The following ADAMTS7 variants were observed in gnomAD, a reference collection of about 807,000 sequenced individuals.
ADAMTS7 encodes the protein ADAM metallopeptidase with thrombospondin type 1 motif 7, also known as A disintegrin and metalloproteinase with thrombospondin motifs 7.
A neutral mutation model predicts 172.6 loss-of-function variants in ADAMTS7; 89 were observed. The observed-to-expected ratio is 0.52, with a 90% CI of 0.43 to 0.61. The LOEUF (loss-of-function observed/expected upper bound fraction) is 0.61, where lower values mean the gene tolerates loss of function less well. ADAMTS7 is among the 20% of genes least tolerant of loss of function. The pLI, the probability that ADAMTS7 is intolerant of heterozygous loss-of-function variation, is 0.00. For missense variants in ADAMTS7, 1,973 were observed against 2,355.6 expected (o/e 0.84, Z 3.36); for synonymous variants, 885 against 978.4 (o/e 0.90, Z 1.78).
In ADAMTS7 at chr15:78,811,199, G is replaced by A. The variant is rs1267095266; in HGVS notation, c.22C>T (p.Arg8Cys). The A allele has an allele frequency of 4.1e-6, 5 of 1,229,028 alleles. No individual in the cohort carries two copies. Among genetic ancestry groups the A allele is most frequent in the Admixed American group, 8.5e-5 (2 of 23,600 alleles). 76.1% of individuals were successfully genotyped at this position (1,229,028 alleles called of 1,614,324 possible). The change falls in exon 1 of 24, where the codon CGC becomes TGC. Residue 8 changes from arginine (R) to cysteine (C), a missense_variant. Physicochemically the swap from Arg to Cys is radical, Grantham distance 180. Coordinates refer to ENST00000388820, the MANE Select transcript of ADAMTS7 (RefSeq NM_014272.5). ...GGGCGCAGCAAAGGCGCGGGGCTGCGGGGACTGGGGCCGCCGGGCATGGCA... is the reference window on the plus strand; with the variant it reads ...GGGCGCAGCAAAGGCGCGGGGCTGCAGGGACTGGGGCCGCCGGGCATGGCA... MPGGPSP[R>C]SPAPLLRPLL...
rs929911930 is a variant in ADAMTS7 at position 78,794,363 on chromosome 15, C to T, written c.819+2227G>A. On this transcript the variant is annotated intron_variant, in intron 4 of 23. Coordinates refer to ENST00000388820, the MANE Select transcript of ADAMTS7 (RefSeq NM_014272.5). ...GCCCTAACCCACCAGGGCCTTAGGCCGTGGCTCCACAGTCCAGGCTTCCTC... is the reference window on the plus strand; with the variant it reads ...GCCCTAACCCACCAGGGCCTTAGGCTGTGGCTCCACAGTCCAGGCTTCCTC... 3.3e-5 allele frequency among the ~76,000 whole-genome samples: 5 copies of T among 152,354 alleles called. No homozygotes were observed. The South Asian group carries it at 8.3e-4, about 25-fold the overall frequency.
At chr15:78,796,195 A>G (rs761008143) in intron 4 of ADAMTS7, among the ~76,000 whole-genome samples, 2 of 152,176 alleles carry the variant, frequency 1.3e-5, no homozygotes, top group Non-Finnish European at 2.9e-5. Flanking sequence ...TAGTCTGATC[A>G]GGCATTTCTG....
At chr15:78,809,724 C>T (rs951735216) in intron 1 of ADAMTS7, among the ~76,000 whole-genome samples, 7 of 152,216 alleles carry the variant, frequency 4.6e-5, no homozygotes, top group Non-Finnish European at 7.3e-5. Context: ...TCCCATCGCC[C>T]GGTTCATCCT....
In ADAMTS7 at chr15:78,763,912, C is replaced by T. The variant is rs369865693; in HGVS notation, c.4593+14G>A. Reference sequence around the variant, plus strand: ...AGGGCGTCCCCTCCCCCCAACTCAACGGCCAGGCCTCACCTCCCTCCAGGA... The same window carrying T: ...AGGGCGTCCCCTCCCCCCAACTCAATGGCCAGGCCTCACCTCCCTCCAGGA... On this transcript the variant is annotated intron_variant, in intron 21 of 23. Transcript: ENST00000388820. 9.8e-5 allele frequency: 152 copies of T among 1,553,358 alleles called. No individual in the cohort carries two copies. In the African/African-American group the frequency reaches 1.0e-3, roughly 10 times the overall value.
At chr15:78,764,750 C>CACCA in intron 19 of ADAMTS7, 43 bp from the exon 20 acceptor site, 1 of 1,446,342 alleles carries the variant, frequency 6.9e-7, no homozygotes, top group Non-Finnish European at 9.0e-7. Flanking sequence ...ATCCCATCCC[C>CACCA]GCCAGGCCTC....
rs113428556 is a variant in ADAMTS7, at chr15:78,784,011, GA to G, written c.1322+4219del. On this transcript the variant is annotated intron_variant, in intron 8 of 23. Coordinates refer to ENST00000388820, the MANE Select transcript of ADAMTS7 (RefSeq NM_014272.5). ...AAGTTTAAGAAATTAAAAGTAGAAT[GA>G]AAAAAATGAAAATTTTAATAGAAGG... Among the ~76,000 whole-genome samples the G allele has an allele frequency of 7.2e-3, 1,099 of 152,082 alleles. 12 individuals carry two copies. Among genetic ancestry groups the G allele is most frequent in the African/African-American group, 0.025 (1,027 of 41,484 alleles).
intron 22 of ADAMTS7, among the ~76,000 whole-genome samples, 194 bp downstream of exon 22, chr15:78,763,505 C>T (rs2055083323): frequency 6.6e-6 from 1 of 152,248 alleles, no homozygotes; most frequent in South Asian, 2.1e-4. Flanking sequence ...TCCCTGACAC[C>T]ACAGCACACG....
In ADAMTS7 at chr15:78,774,815, G is replaced by A. The variant is rs375645746; in HGVS notation, c.1707-22C>T. The A allele has an allele frequency of 1.2e-4, 184 of 1,568,326 alleles. No homozygotes were observed. The African/African-American group carries it at 1.3e-3, about 11-fold the overall frequency. Reference sequence around the variant, plus strand: ...GGGCCTGTGGGGAGAACCGGGGTGGGCCCCAGTGACGGCCCAGTGAGTGCT... The same window carrying A: ...GGGCCTGTGGGGAGAACCGGGGTGGACCCCAGTGACGGCCCAGTGAGTGCT... On this transcript the variant is annotated intron_variant, in intron 11 of 23. Transcript: ENST00000388820.
At chr15:78,807,972 A>C (rs1034551083) in intron 1 of ADAMTS7, among the ~76,000 whole-genome samples, 6 of 151,614 alleles carry the variant, frequency 4.0e-5, no homozygotes, top group African/African-American at 1.2e-4. Context: ...CTCCCACCTC[A>C]GCCTCCCAAA....
chr15:78,785,201 G>A (rs1042511383), intron 8 of ADAMTS7, among the ~76,000 whole-genome samples: 5 of 152,060 alleles, frequency 3.3e-5, no homozygotes, highest in African/African-American at 1.2e-4. Flanking sequence ...TAAAGGATCT[G>A]GAAGGCCTGG....
chr15:78,797,298 A>G (rs796074526), intron 3 of ADAMTS7, among the ~76,000 whole-genome samples: 3 of 152,374 alleles, frequency 2.0e-5, no homozygotes, highest in African/African-American at 4.8e-5. Context: ...GAGGAAGCAC[A>G]TCTATGAAGC....
At chr15:78,783,726 T>C (rs1386091082) in intron 8 of ADAMTS7, among the ~76,000 whole-genome samples, 1 of 152,110 alleles carries the variant, frequency 6.6e-6, no homozygotes, top group Non-Finnish European at 1.5e-5. Context: ...GAAACAAGAA[T>C]AGGATCAAAA....
rs758899663 is a variant in ADAMTS7, at chr15:78,765,805, A to G, written c.4106T>C (p.Leu1369Pro). 8 of 1,600,436 alleles carry G rather than the reference A, an allele frequency of 5.0e-6. No homozygotes were observed. The highest frequency in any genetic ancestry group is 5.1e-6 in the Non-Finnish European group (6 of 1,175,394). ...TGGTGTGGACAGCAGCCTAGAGCTC[A>G]GGGGCACCTCAGGGCTGAGGGACTC... Reference protein sequence around the residue: ...QPESLSPEVPLSSRLLSTPAW... With the variant: ...QPESLSPEVPPSSRLLSTPAW... The change falls in exon 19 of 24, where the codon CTG (leucine) becomes CCG (proline). Residue 1369 changes from leucine (L) to proline (P), a missense_variant. By Grantham distance (98) the Leu-to-Pro change is moderately conservative. Around this residue, in one of 8 missense-constraint regions of ADAMTS7, gnomAD observed 771 missense variants for 952.6 expected, o/e 0.81. Coordinates refer to ENST00000388820, the MANE Select transcript of ADAMTS7 (RefSeq NM_014272.5).
chr15:78,804,311 C>T (rs182298807), intron 1 of ADAMTS7, among the ~76,000 whole-genome samples: 10 of 152,288 alleles, frequency 6.6e-5, no homozygotes, highest in South Asian at 2.1e-4. Flanking sequence ...TCTCATGTGC[C>T]GGGGGTTGGG....
chr15:78,806,134 A>C lies in ADAMTS7; in HGVS notation c.100+4987T>G, dbSNP rs35562668. ...CACACACACACACACACACAAAAAA[A>C]AAAAAAAAAAAAAAAAAAAAACAGA... is the stretch of plus-strand genomic sequence containing the variant. On this transcript the variant is annotated intron_variant, in intron 1 of 23. Transcript: ENST00000388820. Among the ~76,000 whole-genome samples the C allele has an allele frequency of 7.6e-3, 802 of 105,066 alleles. 4 individuals carry two copies. Among genetic ancestry groups the C allele is most frequent in the East Asian group, 0.062 (134 of 2,158 alleles). The allele number at this position is 105,066 out of a possible 152,430, so 68.9% of individuals were successfully genotyped here.
rs528231699 is a variant in ADAMTS7, at chr15:78,800,500, G to A, written c.148C>T (p.Arg50Ter). Reference sequence around the variant, plus strand: ...AGGAAGGAGCCCCCCGCGTCGACTCGAACCGGGTGCACGATGTCCAGTGCC... The same window carrying A: ...AGGAAGGAGCCCCCCGCGTCGACTCAAACCGGGTGCACGATGTCCAGTGCC... ...RAALDIVHPVRVDAGGSFLSY... is the reference protein window; with the variant it reads ...RAALDIVHPV The change falls in exon 2 of 24, where the codon CGA (arginine) becomes TGA (stop). Residue 50 changes from arginine (R) to a stop codon, truncating the protein, a stop_gained. Transcript: ENST00000388820. LOFTEE classifies it high-confidence loss of function. 2 of 1,607,982 alleles carry A rather than the reference G, an allele frequency of 1.2e-6. No homozygotes were observed. The highest frequency in any genetic ancestry group is 2.2e-5 in the South Asian group (2 of 90,056).
At chr15:78,805,136 G>A (rs2055771988) in intron 1 of ADAMTS7, among the ~76,000 whole-genome samples, 1 of 152,214 alleles carries the variant, frequency 6.6e-6, no homozygotes. Flanking sequence ...TTCTGATCTA[G>A]CCAGTTCAGA....
intron 4 of ADAMTS7, among the ~76,000 whole-genome samples, chr15:78,794,594 T>G (rs1018741329): frequency 1.3e-5 from 2 of 152,150 alleles, no homozygotes; most frequent in African/African-American, 4.8e-5. Context: ...AGTGAATGGG[T>G]AGGTCCTATG....
rs2055154181 is a variant in ADAMTS7, at chr15:78,766,547, C to T, written c.3364G>A (p.Glu1122Lys). 6.3e-7 allele frequency: 1 copy of T among 1,599,280 alleles called. No homozygotes were observed. The highest frequency in any genetic ancestry group is 1.7e-5 in the Admixed American group (1 of 59,040). Residue 1122 changes from glutamate to lysine, a missense_variant, in exon 19 of 24, where the codon GAG becomes AAG. By Grantham distance (56) the Glu-to-Lys change is moderately conservative (BLOSUM62 1). Coordinates refer to ENST00000388820, the MANE Select transcript of ADAMTS7 (RefSeq NM_014272.5). Reference sequence around the variant, plus strand: ...GGGGACCAAGGTCCCAGTACCCCCTCCTCCTTGGCTGCAGGAGGCTCTGTG... The same window carrying T: ...GGGGACCAAGGTCCCAGTACCCCCTTCTCCTTGGCTGCAGGAGGCTCTGTG... The part of the protein sequence containing the change: ...PATEPPAAKE[E>K]GVLGPWSPSP...
Sources: gnomAD v4.1 joint callset for allele counts (sites outside exome capture counted in the v4.1 genomes callset) on GRCh38, gnomAD v4.1.1 for gene constraint, gnomAD v4.1.1 regional missense constraint, MANE v1.5 for transcripts, NCBI Gene and HGNC (gene_info 2026-07-23, HGNC 2026-07-21) for gene names.